The following C6orf52 variants were observed in gnomAD, a reference collection of about 807,000 sequenced individuals.
The protein encoded by C6orf52 is chromosome 6 open reading frame 52.
A neutral mutation model predicts 16.6 loss-of-function variants in C6orf52; 16 were observed. The observed-to-expected ratio is 0.96, with a 90% CI of 0.65 to 1.46. The LOEUF is 1.46. Ranked by LOEUF, C6orf52 falls within the 40% of genes most tolerant of loss-of-function variation. The pLI is 0.00. For missense variants in C6orf52, 166 were observed against 182.3 expected, an observed-to-expected ratio of 0.91 and a Z score of 0.52; for synonymous variants, 53 against 61.4, an observed-to-expected ratio of 0.86 and a Z score of 0.64.
rs57435593 is a variant in C6orf52, at chr6:10,694,260, C to CAAAA, written c.-12+230_-12+233dup. ...GGGCAAAAAGAGCGAAACTCCGTCT[C>CAAAA]AAAAAAAAAAAAAAAAAAATGAAGG... On this transcript the variant is annotated intron_variant, in intron 1 of 4. Transcript: ENST00000259983. Among the ~76,000 whole-genome samples the CAAAA allele has an allele frequency of 4.5e-3, 279 of 62,468 alleles. 3 individuals are homozygous for CAAAA. Among genetic ancestry groups the CAAAA allele is most frequent in the African/African-American group, 0.014 (257 of 18,076 alleles). The allele number at this position is 62,468 out of a possible 152,430, so 41.0% of individuals were successfully genotyped here. A position where few individuals can be genotyped will look rare whatever the true frequency, so the allele number is the denominator to read the frequency against.
intron 3 of C6orf52, among the ~76,000 whole-genome samples, chr6:10,685,499 A>C (rs1768799801): frequency 6.6e-6 from 1 of 152,226 alleles, no homozygotes; most frequent in African/African-American, 2.4e-5. Flanking sequence ...TTAAAAGCCA[A>C]GGGACTAGAT....
Position 10,687,331 on chromosome 6 carries a change from G to A in C6orf52, c.71+149C>T, listed in dbSNP as rs1243062332. 21 of 754,386 alleles carry A rather than the reference G, an allele frequency of 2.8e-5. No homozygotes were observed. In the East Asian group the frequency reaches 3.2e-4, roughly 11 times the overall value. The allele number at this position is 754,386 out of a possible 1,614,324, so 46.7% of individuals were successfully genotyped here. A position where few individuals can be genotyped will look rare whatever the true frequency, so the allele number is the denominator to read the frequency against. On this transcript the variant is annotated intron_variant, in intron 2 of 4. Coordinates refer to ENST00000259983, the MANE Select transcript of C6orf52 (RefSeq NM_001145020.3). The stretch of plus-strand genomic sequence containing the variant: ...TGGGTGCAGCAAACCACCATGGCAC[G>A]TGTATACCTATGTAAAAAACCTGCA...
chr6:10,677,807 T>C lies in C6orf52; in HGVS notation c.316+5380A>G, dbSNP rs1471424868. Among the ~76,000 whole-genome samples the C allele has an allele frequency of 3.9e-5, 6 of 151,972 alleles. No homozygotes were observed. The East Asian group carries it at 1.2e-3, about 30-fold the overall frequency. ...CCTGAGCCTCCCAAAGTGCCAGGAT[T>C]ACAGGCATGAGACACTGTGCACTCG... On this transcript the variant is annotated intron_variant, in intron 4 of 4. Coordinates refer to ENST00000259983, the MANE Select transcript of C6orf52 (RefSeq NM_001145020.3).
chr6:10,674,736 C>A (rs1767722979), intron 4 of C6orf52: 1 of 150,550 alleles, frequency 6.6e-6, no homozygotes, highest in Non-Finnish European at 1.5e-5. Flanking sequence ...ACTGAACAAC[C>A]AATTGCGATA....
intron 4 of C6orf52, among the ~76,000 whole-genome samples, 152 bp from the exon 5 acceptor site, chr6:10,671,750 T>A (rs1245113047): frequency 6.6e-6 from 1 of 152,212 alleles, no homozygotes. Flanking sequence ...TTCCTTTCAA[T>A]AAGACTTGAA....
intron 1 of C6orf52, among the ~76,000 whole-genome samples, chr6:10,688,870 G>A (rs920896019): frequency 6.6e-6 from 1 of 152,194 alleles, no homozygotes; most frequent in African/African-American, 2.4e-5. Context: ...GGAGTACAGT[G>A]GCATGATCTT....
intron 3 of C6orf52, among the ~76,000 whole-genome samples, chr6:10,685,247 G>GAAAAAAAAAAAAAAAAAAAAAAAAAAA (rs34615421): frequency 1.4e-5 from 1 of 73,012 alleles, no homozygotes; most frequent in African/African-American, 3.3e-5. Context: ...AGGGGCAAAA[G>GAAAAAAAAAAAAAAAAAAAAAAAAAAA]AAAAAAAAAA....
chr6:10,671,830 G>A (rs1291908857), intron 4 of C6orf52, among the ~76,000 whole-genome samples: 1 of 152,132 alleles, frequency 6.6e-6, no homozygotes, highest in Non-Finnish European at 1.5e-5. Flanking sequence ...CAGAAGAGAT[G>A]GAGGAAAAAA....
intron 4 of C6orf52, among the ~76,000 whole-genome samples, chr6:10,676,032 T>A (rs1439910358): frequency 1.3e-5 from 2 of 152,110 alleles, no homozygotes; most frequent in African/African-American, 4.8e-5. Flanking sequence ...CTCAGGAGTC[T>A]GAGACTGGGT....
Position 10,694,598 on chromosome 6 carries a change from A to G in C6orf52, c.-116T>C, listed in dbSNP as rs910744724. ...GCACGCTGCCGGCGCTACAGCCCCT[A>G]AGCAACCGGCCGGAAGTCGGCCCCA... On this transcript the variant is annotated 5_prime_UTR_variant, in exon 1 of 5. Coordinates refer to ENST00000259983, the MANE Select transcript of C6orf52 (RefSeq NM_001145020.3). The G allele has an allele frequency of 7.6e-5, 13 of 172,038 alleles. No homozygotes were observed. The South Asian group carries it at 9.4e-4, about 12-fold the overall frequency. The allele number at this position is 172,038 out of a possible 1,614,324, so 10.7% of individuals were successfully genotyped here. A position where few individuals can be genotyped will look rare whatever the true frequency, so the allele number is the denominator to read the frequency against.
At chr6:10,672,706 C>CATG (rs1767539873) in intron 4 of C6orf52, 1 of 601,776 alleles carries the variant, frequency 1.7e-6, no homozygotes, top group African/African-American at 1.9e-5. Context: ...TCCTACAATG[C>CATG]ATGCATAAAG....
intron 2 of C6orf52, 70 bp downstream of exon 2, chr6:10,687,410 G>C: frequency 8.6e-7 from 1 of 1,165,230 alleles, no homozygotes; most frequent in Non-Finnish European, 1.2e-6. Context: ...TAGTTTGTAA[G>C]TTACCAACAG....
At chr6:10,685,862 G>A (rs767437803) in intron 3 of C6orf52, among the ~76,000 whole-genome samples, 8 of 152,180 alleles carry the variant, frequency 5.3e-5, no homozygotes, top group Non-Finnish European at 1.0e-4. Context: ...AATTCATGCA[G>A]ACTTTAGGTA....
In C6orf52 at chr6:10,686,438, A is replaced by T. The variant is rs192144587; in HGVS notation, c.270+528T>A. Among the ~76,000 whole-genome samples the T allele has an allele frequency of 1.3e-5, 2 of 152,168 alleles. 1 individual carries two copies. Among genetic ancestry groups the T allele is most frequent in the Non-Finnish European group, 2.9e-5 (2 of 68,034 alleles). On this transcript the variant is annotated intron_variant, in intron 3 of 4. Coordinates refer to ENST00000259983, the MANE Select transcript of C6orf52 (RefSeq NM_001145020.3). ...GGAGGAGGGGTGTGTGTGGGGGGGA[A>T]CTTTTCCCTTACTTCAATACATCTT... is the stretch of plus-strand genomic sequence containing the variant.
At chr6:10,689,362 T>G (rs1401154868) in intron 1 of C6orf52, among the ~76,000 whole-genome samples, 1 of 152,256 alleles carries the variant, frequency 6.6e-6, no homozygotes, top group Non-Finnish European at 1.5e-5. Context: ...GCAGGGTAAC[T>G]GGCATTGGTG....
At position 10,677,535 on chromosome 6, in the gene C6orf52, CT is replaced by C. The variant is rs1234186411; in HGVS notation, c.316+5651del. Reference sequence around the variant, plus strand: ...ATACAAATTATAGTATCATTTTTTTCTTTTTTTTTTTCCCAAGACAGGGTCT... The same window carrying C: ...ATACAAATTATAGTATCATTTTTTTCTTTTTTTTTTCCCAAGACAGGGTCT... On this transcript the variant is annotated intron_variant, in intron 4 of 4. Coordinates refer to ENST00000259983, the MANE Select transcript of C6orf52 (RefSeq NM_001145020.3). 9.0e-4 allele frequency among the ~76,000 whole-genome samples: 122 copies of C among 135,632 alleles called. 1 individual carries two copies. The highest frequency in any genetic ancestry group is 2.5e-3 in the African/African-American group (91 of 36,336). 89.0% of individuals were successfully genotyped at this position (135,632 alleles called of 152,430 possible).
At chr6:10,686,932 C>G (rs373576175) in intron 3 of C6orf52, 34 bp downstream of exon 3, 19 of 1,427,206 alleles carry the variant, frequency 1.3e-5, no homozygotes, top group Non-Finnish European at 1.8e-5. Flanking sequence ...ATTGGGCACA[C>G]GAATGACACA....
intron 4 of C6orf52, among the ~76,000 whole-genome samples, chr6:10,679,568 T>TAAAAAAAA (rs1005395904): frequency 8.3e-6 from 1 of 120,446 alleles, no homozygotes; most frequent in Non-Finnish European, 1.6e-5. Context: ...TCTAACTTGT[T>TAAAAAAAA]AAAAAAAAAA....
At chr6:10,691,872 T>C (rs1769346190) in intron 1 of C6orf52, among the ~76,000 whole-genome samples, 1 of 152,176 alleles carries the variant, frequency 6.6e-6, no homozygotes, top group Non-Finnish European at 1.5e-5. Context: ...CTTTGAGTTA[T>C]GTTCATGGTG....
Sources: allele counts gnomAD v4.1 joint callset (sites outside exome capture counted in the v4.1 genomes callset), GRCh38; gene constraint gnomAD v4.1.1; transcripts MANE v1.5; gene names NCBI Gene and HGNC (gene_info 2026-07-23, HGNC 2026-07-21).